LACTB2: variants seen among roughly 807,000 people sequenced by gnomAD.
The protein encoded by LACTB2 is endoribonuclease LACTB2.
A neutral mutation model predicts 34.8 loss-of-function variants in LACTB2; 32 were observed. That is an observed-to-expected ratio of 0.92 (90% CI 0.69 to 1.24). The LOEUF (loss-of-function observed/expected upper bound fraction) is 1.24. Among genes scored for constraint, LACTB2 ranks in the 50% most tolerant of loss-of-function variants. The probability of loss-of-function intolerance (pLI) is 0.00; values close to 1 mark genes in which losing one functional copy is unlikely to be tolerated. For missense variants in LACTB2, 320 were observed against 345.0 expected (o/e 0.93, Z 0.57); for synonymous variants, 120 against 117.5 (o/e 1.02, Z -0.14).
intron 1 of LACTB2, among the ~76,000 whole-genome samples, chr8:70,667,882 A>G (rs1205000335): frequency 6.6e-6 from 1 of 152,208 alleles, no homozygotes; most frequent in Non-Finnish European, 1.5e-5. Flanking sequence ...CTAGTTCAAG[A>G]TGACACACTG....
In LACTB2 at chr8:70,637,737, A is replaced by G. The variant is rs1818141131; in HGVS notation, c.*123T>C. ...TTTAGCATAAATATAACATTATTTT[A>G]AAGTATATCTAGGGTTATTTTTAAT... On this transcript the variant is annotated 3_prime_UTR_variant, in exon 7 of 7. Coordinates refer to ENST00000276590, the MANE Select transcript of LACTB2 (RefSeq NM_016027.3). 2 of 485,086 alleles carry G rather than the reference A, an allele frequency of 4.1e-6. No individual in the cohort carries two copies. Among genetic ancestry groups the G allele is most frequent in the Non-Finnish European group, 7.1e-6 (2 of 280,290 alleles). 30.0% of individuals were successfully genotyped at this position (485,086 alleles called of 1,614,324 possible). A position where few individuals can be genotyped will look rare whatever the true frequency, so the allele number is the denominator to read the frequency against.
chr8:70,640,877 TAC>T (rs765363403), intron 5 of LACTB2, 23 bp downstream of exon 5: 34 of 1,549,420 alleles, frequency 2.2e-5, no homozygotes, highest in Non-Finnish European at 3.0e-5. Context: ...TGTGGCTACA[TAC>T]AAATAAGAAA....
chr8:70,638,167 C>T (rs1818146984), intron 6 of LACTB2, among the ~76,000 whole-genome samples: 1 of 152,150 alleles, frequency 6.6e-6, no homozygotes, highest in African/African-American at 2.4e-5. Context: ...TACATAATTA[C>T]TGCTTTGACA....
At chr8:70,657,477 G>A (rs1465573906) in intron 3 of LACTB2, among the ~76,000 whole-genome samples, 2 of 149,688 alleles carry the variant, frequency 1.3e-5, no homozygotes, top group African/African-American at 5.0e-5. Flanking sequence ...GGTTGCACAG[G>A]CTGGAATGCA....
At chr8:70,663,763 A>G (rs1818507684) in intron 1 of LACTB2, among the ~76,000 whole-genome samples, 1 of 152,168 alleles carries the variant, frequency 6.6e-6, no homozygotes, top group African/African-American at 2.4e-5. Context: ...TTCTGATGCT[A>G]TTCCTAGCCA....
chr8:70,645,267 C>G (rs1052932727), intron 3 of LACTB2, among the ~76,000 whole-genome samples: 7 of 152,138 alleles, frequency 4.6e-5, no homozygotes, highest in Admixed American at 1.3e-4. Context: ...AGGTATGTGC[C>G]ACCACGCTTG....
chr8:70,667,330 G>A (rs543368579), intron 1 of LACTB2, among the ~76,000 whole-genome samples: 42 of 152,346 alleles, frequency 2.8e-4, no homozygotes, highest in African/African-American at 1.0e-3. Context: ...AGCGGAACAG[G>A]TGGATACCAA....
chr8:70,641,185 T>C lies in LACTB2; in HGVS notation c.593-135A>G, dbSNP rs1818192889. ...CATACTAAATGTCAAATATGAACTATTTGGAAAGCTATACAGGTGAAAGAG... is the reference window on the plus strand; with the variant it reads ...CATACTAAATGTCAAATATGAACTACTTGGAAAGCTATACAGGTGAAAGAG... On this transcript the variant is annotated intron_variant, in intron 4 of 6. Transcript: ENST00000276590. 4.8e-6 allele frequency: 4 copies of C among 830,570 alleles called. No homozygotes were observed. In the South Asian group the frequency reaches 1.1e-4, roughly 23 times the overall value. The allele number at this position is 830,570 out of a possible 1,614,324, so 51.5% of individuals were successfully genotyped here.
chr8:70,659,748 C>T (rs1176309798), intron 2 of LACTB2, among the ~76,000 whole-genome samples: 1 of 152,152 alleles, frequency 6.6e-6, no homozygotes, highest in African/African-American at 2.4e-5. Context: ...AAATGTCATA[C>T]TATAACTTTG....
At position 70,651,929 on chromosome 8, in the gene LACTB2, T is replaced by C. The variant is rs1279878216; in HGVS notation, c.413+5827A>G. ...TTATCTAGTTCTGTTACTTCTGTGA[T>C]AGAGTGGACTTTGTAAGGATGACTC... On this transcript the variant is annotated intron_variant, in intron 3 of 6. Transcript: ENST00000276590. 7 of 152,210 alleles carry C rather than the reference T, an allele frequency of 4.6e-5. No individual in the cohort carries two copies. The East Asian group carries it at 9.6e-4, about 21-fold the overall frequency. 9.4% of individuals were successfully genotyped at this position (152,210 alleles called of 1,614,324 possible).
chr8:70,663,478 C>T lies in LACTB2; in HGVS notation c.123-1581G>A, dbSNP rs540959947. Among the ~76,000 whole-genome samples, 31 of 152,246 alleles carry T rather than the reference C, an allele frequency of 2.0e-4. 1 individual carries two copies. The South Asian group carries it at 6.0e-3, about 30-fold the overall frequency. ...AAACACAGTGTTGAACTGTCCTATC[C>T]GGAGACAGGAGACCAGATGGTTACA... On this transcript the variant is annotated intron_variant, in intron 1 of 6. Coordinates refer to ENST00000276590, the MANE Select transcript of LACTB2 (RefSeq NM_016027.3).
chr8:70,645,243 C>T (rs1329246855), intron 3 of LACTB2, among the ~76,000 whole-genome samples: 2 of 152,128 alleles, frequency 1.3e-5, no homozygotes, highest in Non-Finnish European at 2.9e-5. Flanking sequence ...AGCCTCCCGA[C>T]TAGTTGGGAG....
intron 1 of LACTB2, among the ~76,000 whole-genome samples, chr8:70,663,777 T>C (rs1818507876): frequency 6.6e-6 from 1 of 152,206 alleles, no homozygotes. Context: ...CTAGCCATCT[T>C]ATCTTGCTTT....
intron 3 of LACTB2, among the ~76,000 whole-genome samples, chr8:70,648,762 T>C (rs1190388745): frequency 1.3e-5 from 2 of 152,126 alleles, no homozygotes; most frequent in Admixed American, 1.3e-4. Context: ...ACTAAAACTA[T>C]AGTCAACTCC....
intron 3 of LACTB2, among the ~76,000 whole-genome samples, chr8:70,650,945 C>A (rs993517871): frequency 1.3e-5 from 2 of 151,760 alleles, no homozygotes; most frequent in East Asian, 3.9e-4. Flanking sequence ...ATTATAAGAT[C>A]CCTGAAAATC....
intron 1 of LACTB2, among the ~76,000 whole-genome samples, chr8:70,668,565 G>A (rs921521002): frequency 1.3e-5 from 2 of 152,088 alleles, no homozygotes; most frequent in African/African-American, 2.4e-5. Flanking sequence ...TGAGGAAATC[G>A]CCTCAACATA....
intron 3 of LACTB2, chr8:70,646,712 C>A (rs899870411): frequency 1.3e-5 from 2 of 151,990 alleles, no homozygotes; most frequent in Non-Finnish European, 1.5e-5. Context: ...TGTAACTATG[C>A]CAACAATAAA....
At chr8:70,638,363 C>T (rs555548769) in intron 6 of LACTB2, among the ~76,000 whole-genome samples, 185 bp downstream of exon 6, 1 of 152,248 alleles carries the variant, frequency 6.6e-6, no homozygotes, top group East Asian at 1.9e-4. Context: ...CCCCTGGGAG[C>T]TTTTGGTTCC....
chr8:70,650,363 A>G (rs895701572), intron 3 of LACTB2, among the ~76,000 whole-genome samples: 1 of 152,224 alleles, frequency 6.6e-6, no homozygotes, highest in Non-Finnish European at 1.5e-5. Context: ...ACTAGAAACT[A>G]AAGGTTCAGT....
Sources: gnomAD v4.1 joint callset for allele counts (sites outside exome capture counted in the v4.1 genomes callset) on GRCh38, gnomAD v4.1.1 for gene constraint, MANE v1.5 for transcripts, NCBI Gene and HGNC (gene_info 2026-07-23, HGNC 2026-07-21) for gene names.